MAGI1: variants seen among roughly 807,000 people sequenced by gnomAD.
MAGI1 encodes membrane-associated guanylate kinase, WW and PDZ domain-containing protein 1.
Under a neutral mutation model 139.9 loss-of-function variants are expected in MAGI1, and 58 were observed. The observed-to-expected ratio is 0.41, with a 90% CI of 0.34 to 0.52. The LOEUF (loss-of-function observed/expected upper bound fraction) is 0.52. Among genes scored for constraint, MAGI1 ranks in the 20% least tolerant of loss-of-function variants. The pLI, the probability that MAGI1 is intolerant of heterozygous loss-of-function variation, is 0.12. For missense variants in MAGI1, 1,874 were observed against 1,901.6 expected, an observed-to-expected ratio of 0.99 and a Z score of 0.27; for synonymous variants, 812 against 737.9, an observed-to-expected ratio of 1.10 and a Z score of -1.63.
At chr3:65,972,193 C>G (rs1456453585) in intron 1 of MAGI1, among the ~76,000 whole-genome samples, 2 of 152,176 alleles carry the variant, frequency 1.3e-5, no homozygotes, top group Non-Finnish European at 2.9e-5. Context: ...AAGAAGTCCA[C>G]ACACACTAGC....
chr3:65,917,354 T>C (rs2061953644), intron 1 of MAGI1, among the ~76,000 whole-genome samples: 1 of 152,226 alleles, frequency 6.6e-6, no homozygotes, highest in Non-Finnish European at 1.5e-5. Flanking sequence ...CTGGTGGGAA[T>C]GCAAAATTAT....
At chr3:65,499,774 T>A (rs966628363) in intron 2 of MAGI1, among the ~76,000 whole-genome samples, 1 of 152,236 alleles carries the variant, frequency 6.6e-6, no homozygotes, top group Non-Finnish European at 1.5e-5. Context: ...TACAAGTTTA[T>A]GAGTTTTATG....
chr3:65,675,904 G>A (rs1178545431), intron 1 of MAGI1, among the ~76,000 whole-genome samples: 1 of 152,168 alleles, frequency 6.6e-6, no homozygotes, highest in African/African-American at 2.4e-5. Flanking sequence ...CACAAACAGG[G>A]ATGATTTAAT....
At chr3:65,364,165 TA>T (rs555186167) in intron 20 of MAGI1, among the ~76,000 whole-genome samples, 14,206 of 89,178 alleles carry the variant, frequency 0.16, 1,138 homozygotes, top group African/African-American at 0.25. Context: ...CCCTGTCTCT[TA>T]AAAAAAAAAA....
intron 2 of MAGI1, chr3:65,549,505 G>A: frequency 1.0e-6 from 1 of 985,036 alleles, no homozygotes; most frequent in Non-Finnish European, 1.2e-6. Context: ...GCGTCTGAGC[G>A]GCCCGGCGGC....
At chr3:65,424,703 A>G (rs1946879893) in intron 12 of MAGI1, among the ~76,000 whole-genome samples, 1 of 152,214 alleles carries the variant, frequency 6.6e-6, no homozygotes, top group African/African-American at 2.4e-5. Flanking sequence ...TGTCACTTAC[A>G]AAACAGACTT....
At chr3:65,543,791 T>C (rs1382573465) in intron 2 of MAGI1, among the ~76,000 whole-genome samples, 1 of 151,572 alleles carries the variant, frequency 6.6e-6, no homozygotes, top group Admixed American at 6.6e-5. Flanking sequence ...TTTGGAGAAA[T>C]ACCTAATGTA....
At chr3:65,950,959 AGAAGGAAGGAAGGAAGGAAGGAAG>A (rs146952878) in intron 1 of MAGI1, among the ~76,000 whole-genome samples, 5,086 of 58,564 alleles carry the variant, frequency 0.087, 295 homozygotes, top group Admixed American at 0.17. Context: ...GAGAAGAAAG[AGAAGGAAGGAAGGAAGGAAGGAAG>A]GAAGGAAGGA....
At chr3:65,798,141 T>C (rs757777880) in intron 1 of MAGI1, among the ~76,000 whole-genome samples, 2 of 151,868 alleles carry the variant, frequency 1.3e-5, no homozygotes, top group African/African-American at 2.4e-5. Flanking sequence ...CTGTCTCTAC[T>C]AAAAATACAA....
At chr3:66,019,230 G>A (rs1342903365) in intron 1 of MAGI1, among the ~76,000 whole-genome samples, 1 of 152,194 alleles carries the variant, frequency 6.6e-6, no homozygotes, top group Non-Finnish European at 1.5e-5. Flanking sequence ...GGGGAATTCT[G>A]TGAGAACTAG....
intron 3 of MAGI1, among the ~76,000 whole-genome samples, chr3:65,492,879 C>T (rs991638641): frequency 1.3e-5 from 2 of 151,946 alleles, no homozygotes; most frequent in African/African-American, 4.8e-5. Flanking sequence ...GAGATCGAGA[C>T]GATCCTGGCT....
At chr3:65,865,288 G>A (rs897550427) in intron 1 of MAGI1, among the ~76,000 whole-genome samples, 1 of 151,976 alleles carries the variant, frequency 6.6e-6, no homozygotes, top group Non-Finnish European at 1.5e-5. Context: ...AATCCTAAAC[G>A]GCACCTGTTA....
chr3:65,962,367 C>A (rs1354996710), intron 1 of MAGI1, among the ~76,000 whole-genome samples: 1 of 151,712 alleles, frequency 6.6e-6, no homozygotes, highest in Non-Finnish European at 1.5e-5. Context: ...GTGATCCACC[C>A]GCCTCGGCCT....
At chr3:65,986,108 G>T (rs1238604652) in intron 1 of MAGI1, among the ~76,000 whole-genome samples, 1 of 152,174 alleles carries the variant, frequency 6.6e-6, no homozygotes, top group East Asian at 1.9e-4. Context: ...TCCATTTCCA[G>T]CCAGACATAG....
chr3:65,795,769 C>A (rs1332217744), intron 1 of MAGI1, among the ~76,000 whole-genome samples: 1 of 147,722 alleles, frequency 6.8e-6, no homozygotes, highest in Non-Finnish European at 1.5e-5. Context: ...TTGGTCAGGC[C>A]GAGGGGTGTG....
chr3:65,854,969 T>C (rs937189521), intron 1 of MAGI1, among the ~76,000 whole-genome samples: 1 of 152,178 alleles, frequency 6.6e-6, no homozygotes, highest in Non-Finnish European at 1.5e-5. Flanking sequence ...GAAGGTAATA[T>C]AAATAACTAC....
intron 2 of MAGI1, among the ~76,000 whole-genome samples, chr3:65,542,479 G>A (rs887153246): frequency 5.9e-5 from 9 of 152,218 alleles, no homozygotes; most frequent in African/African-American, 2.2e-4. Flanking sequence ...AAAGCTGGAG[G>A]CATGACACTA....
intron 1 of MAGI1, among the ~76,000 whole-genome samples, chr3:65,933,539 C>A (rs898179133): frequency 2.0e-5 from 3 of 152,170 alleles, no homozygotes; most frequent in African/African-American, 7.2e-5. Flanking sequence ...GCCTTGGGAA[C>A]AATACTGTGC....
At position 66,024,319 on chromosome 3, in the gene MAGI1, A is replaced by T. The variant is rs1212955266; in HGVS notation, c.313+13677T>A. The stretch of plus-strand genomic sequence containing the variant: ...TTTAAAACTGGCAAAGTTCATTAAA[A>T]AAAAAAAAAAAAAAAAAAAGAACAG... On this transcript the variant is annotated intron_variant, in intron 1 of 22. Coordinates refer to ENST00000402939, the MANE Select transcript of MAGI1 (RefSeq NM_001033057.2). Among the ~76,000 whole-genome samples, 614 of 71,400 alleles carry T rather than the reference A, an allele frequency of 8.6e-3. 6 individuals are homozygous for T. The highest frequency in any genetic ancestry group is 0.05 in the African/African-American group (574 of 11,446). The allele number at this position is 71,400 out of a possible 152,430, so 46.8% of individuals were successfully genotyped here. A position where few individuals can be genotyped will look rare whatever the true frequency, so the allele number is the denominator to read the frequency against.
Sources: gnomAD v4.1 joint callset for allele counts (sites outside exome capture counted in the v4.1 genomes callset) on GRCh38, gnomAD v4.1.1 for gene constraint, MANE v1.5 for transcripts, NCBI Gene and HGNC (gene_info 2026-07-23, HGNC 2026-07-21) for gene names.